Variants in NRG1 observed in about 807,000 individuals in gnomAD.
The protein encoded by NRG1 is pro-neuregulin-1, membrane-bound isoform.
A neutral mutation model predicts 63.8 loss-of-function variants in NRG1; 18 were observed. That is an observed-to-expected ratio of 0.28 (90% CI 0.19 to 0.42). The LOEUF is 0.42. NRG1 is among the 10% of genes least tolerant of loss of function. The pLI, the probability that NRG1 is intolerant of heterozygous loss-of-function variation, is 1.00. For missense variants in NRG1, 762 were observed against 814.7 expected (o/e 0.94, Z 0.79); for synonymous variants, 302 against 301.3 (o/e 1.00, Z -0.02).
At chr8:32,052,754 A>G (rs149048674) in intron 1 of NRG1, among the ~76,000 whole-genome samples, 2 of 152,280 alleles carry the variant, frequency 1.3e-5, no homozygotes, top group African/African-American at 4.8e-5. Flanking sequence ...GCACAAAAAG[A>G]CAAAATCCTA....
chr8:31,665,772 C>T (rs1806470372), intron 1 of NRG1, among the ~76,000 whole-genome samples: 1 of 151,872 alleles, frequency 6.6e-6, no homozygotes. Context: ...TCCTGGATGC[C>T]TTAATGAAAT....
chr8:32,114,593 G>C (rs1221081256), intron 1 of NRG1, among the ~76,000 whole-genome samples: 4 of 152,106 alleles, frequency 2.6e-5, no homozygotes, highest in Admixed American at 1.3e-4. Flanking sequence ...ACCTCACATG[G>C]GTAAAGGAAG....
chr8:32,429,308 G>A (rs1270529782), intron 1 of NRG1, among the ~76,000 whole-genome samples: 1 of 152,158 alleles, frequency 6.6e-6, no homozygotes, highest in Non-Finnish European at 1.5e-5. Context: ...ATTGACCAAA[G>A]TTTGAAGGTA....
intron 1 of NRG1, among the ~76,000 whole-genome samples, chr8:31,800,334 T>C (rs372077889): frequency 1.2e-4 from 18 of 152,364 alleles, no homozygotes; most frequent in African/African-American, 4.3e-4. Flanking sequence ...TTGTTATTTT[T>C]ACTCTGGTCA....
At chr8:32,037,657 G>T (rs906637255) in intron 1 of NRG1, among the ~76,000 whole-genome samples, 2 of 152,194 alleles carry the variant, frequency 1.3e-5, no homozygotes, top group African/African-American at 4.8e-5. Context: ...GCCCCACGCA[G>T]GTAGGAGGAA....
intron 1 of NRG1, among the ~76,000 whole-genome samples, chr8:31,910,112 GA>G (rs1409370327): frequency 6.6e-6 from 1 of 152,206 alleles, no homozygotes; most frequent in East Asian, 1.9e-4. Context: ...GGGTTTCTGA[GA>G]AGATCTTCAC....
chr8:31,734,568 T>A (rs1814459790), intron 1 of NRG1, among the ~76,000 whole-genome samples: 1 of 152,246 alleles, frequency 6.6e-6, no homozygotes, highest in African/African-American at 2.4e-5. Flanking sequence ...TTTGTTTGTT[T>A]GTTTTTGGTT....
chr8:31,669,014 C>A (rs1397363132), intron 1 of NRG1, among the ~76,000 whole-genome samples: 1 of 152,140 alleles, frequency 6.6e-6, no homozygotes, highest in South Asian at 2.1e-4. Context: ...GTTTCATATA[C>A]AACTTATACG....
intron 1 of NRG1, among the ~76,000 whole-genome samples, chr8:31,662,653 T>A (rs1806112380): frequency 6.6e-6 from 1 of 152,220 alleles, no homozygotes; most frequent in South Asian, 2.1e-4. Flanking sequence ...GACCTCATCC[T>A]ACCAACTTAA....
chr8:32,341,185 A>G (rs1250926477), intron 1 of NRG1, among the ~76,000 whole-genome samples: 1 of 152,222 alleles, frequency 6.6e-6, no homozygotes, highest in African/African-American at 2.4e-5. Flanking sequence ...ATTTTGTTCC[A>G]AGATAACGTG....
At chr8:32,004,821 A>C (rs1251259254) in intron 1 of NRG1, among the ~76,000 whole-genome samples, 1 of 151,780 alleles carries the variant, frequency 6.6e-6, no homozygotes, top group African/African-American at 2.4e-5. Flanking sequence ...GTGTGAACAA[A>C]GTCATGATGA....
At chr8:32,566,616 A>G (rs1359284775) in intron 1 of NRG1, among the ~76,000 whole-genome samples, 2 of 152,250 alleles carry the variant, frequency 1.3e-5, no homozygotes, top group African/African-American at 4.8e-5. Context: ...GAATTTGTCC[A>G]AAAAATGATC....
chr8:32,311,303 G>A (rs1261199256), intron 1 of NRG1, among the ~76,000 whole-genome samples: 3 of 152,156 alleles, frequency 2.0e-5, no homozygotes, highest in Non-Finnish European at 2.9e-5. Context: ...AAGCTAACAC[G>A]TTAAGTGCTA....
chr8:32,522,808 C>CT (rs56103865), intron 1 of NRG1, among the ~76,000 whole-genome samples: 7,327 of 139,392 alleles, frequency 0.053, 229 homozygotes, highest in Admixed American at 0.074. Context: ...CCCAATTTGC[C>CT]TTTTTTTTTT....
intron 1 of NRG1, among the ~76,000 whole-genome samples, chr8:31,931,059 A>T (rs1834818037): frequency 6.6e-6 from 1 of 152,158 alleles, no homozygotes; most frequent in East Asian, 1.9e-4. Context: ...ATTCAGATAG[A>T]GGCTATTTCC....
At chr8:31,648,278 C>T (rs990481368) in intron 1 of NRG1, among the ~76,000 whole-genome samples, 32 of 151,734 alleles carry the variant, frequency 2.1e-4, no homozygotes, top group African/African-American at 7.0e-4. Context: ...GGACTACAGG[C>T]GCGCGCCACC....
chr8:32,317,619 C>T (rs778567620), intron 1 of NRG1, among the ~76,000 whole-genome samples: 1 of 152,142 alleles, frequency 6.6e-6, no homozygotes, highest in Non-Finnish European at 1.5e-5. Context: ...ATTGTTTTGG[C>T]ATGAGGGTTA....
chr8:32,247,250 G>A (rs149479307), intron 1 of NRG1, among the ~76,000 whole-genome samples: 80 of 152,034 alleles, frequency 5.3e-4, no homozygotes, highest in East Asian at 5.8e-4. Flanking sequence ...AAGTGACATC[G>A]GGACTCAAAG....
At chr8:31,859,358 C>G (rs1828251834) in intron 1 of NRG1, among the ~76,000 whole-genome samples, 1 of 152,086 alleles carries the variant, frequency 6.6e-6, no homozygotes, top group Non-Finnish European at 1.5e-5. Context: ...TTTTCCATCC[C>G]AACAGAATCT....
Sources: gnomAD v4.1 joint callset for allele counts (sites outside exome capture counted in the v4.1 genomes callset) on GRCh38, gnomAD v4.1.1 for gene constraint, MANE v1.5 for transcripts, NCBI Gene and HGNC (gene_info 2026-07-23, HGNC 2026-07-21) for gene names.